WDR70: variants seen among roughly 807,000 people sequenced by gnomAD.
WDR70 encodes WD repeat domain 70.
Under a neutral mutation model 88.6 loss-of-function variants are expected in WDR70, and 53 were observed. The ratio of observed to expected loss-of-function variants is 0.60; its 90% CI spans 0.48 to 0.75. The LOEUF (loss-of-function observed/expected upper bound fraction) is 0.75. WDR70 is among the 30% of genes least tolerant of loss of function. The pLI is 0.00. For missense variants in WDR70, 610 were observed against 823.2 expected, an observed-to-expected ratio of 0.74 and a Z score of 3.17; for synonymous variants, 280 against 270.0, an observed-to-expected ratio of 1.04 and a Z score of -0.36.
At chr5:37,433,935 T>C (rs1028090849) in intron 5 of WDR70, among the ~76,000 whole-genome samples, 13 of 152,250 alleles carry the variant, frequency 8.5e-5, no homozygotes, top group Non-Finnish European at 1.9e-4. Context: ...GTGTGTGGTA[T>C]GTAATTAAAT....
chr5:37,559,575 T>A (rs563992679), intron 9 of WDR70, among the ~76,000 whole-genome samples: 1 of 152,308 alleles, frequency 6.6e-6, no homozygotes, highest in African/African-American at 2.4e-5. Context: ...CCGGGCGCAG[T>A]GGCTCACGCC....
At chr5:37,550,927 A>G (rs1742123187) in intron 9 of WDR70, among the ~76,000 whole-genome samples, 1 of 152,096 alleles carries the variant, frequency 6.6e-6, no homozygotes, top group South Asian at 2.1e-4. Flanking sequence ...AGGCTTGCAG[A>G]TACTATCTTG....
intron 13 of WDR70, among the ~76,000 whole-genome samples, chr5:37,717,840 A>G (rs1010826280): frequency 6.6e-6 from 1 of 152,248 alleles, no homozygotes; most frequent in Non-Finnish European, 1.5e-5. Flanking sequence ...AAGGTTAGCT[A>G]AACACACACA....
intron 9 of WDR70, among the ~76,000 whole-genome samples, chr5:37,555,033 T>C (rs547333246): frequency 7.2e-5 from 11 of 152,366 alleles, no homozygotes; most frequent in Admixed American, 4.6e-4. Context: ...ATTGATAACA[T>C]GTTCTACTGT....
intron 17 of WDR70, among the ~76,000 whole-genome samples, chr5:37,731,991 G>A (rs1162043752): frequency 6.6e-6 from 1 of 152,110 alleles, no homozygotes; most frequent in Non-Finnish European, 1.5e-5. Flanking sequence ...ATCTAATAAC[G>A]AGTTATTTTG....
At chr5:37,468,681 C>T (rs1053599957) in intron 7 of WDR70, among the ~76,000 whole-genome samples, 7 of 152,094 alleles carry the variant, frequency 4.6e-5, no homozygotes, top group Non-Finnish European at 1.0e-4. Context: ...TGCAATAGGA[C>T]ACCAGAACTT....
intron 10 of WDR70, among the ~76,000 whole-genome samples, chr5:37,662,924 A>C (rs1745739555): frequency 6.6e-6 from 1 of 152,220 alleles, no homozygotes; most frequent in African/African-American, 2.4e-5. Context: ...GTGTTATTAA[A>C]ATACTGAGAC....
At chr5:37,533,042 A>G (rs1039889760) in intron 9 of WDR70, among the ~76,000 whole-genome samples, 1 of 152,158 alleles carries the variant, frequency 6.6e-6, no homozygotes, top group African/African-American at 2.4e-5. Flanking sequence ...TTCTGAGTCT[A>G]GCCGTCCAGT....
chr5:37,626,924 C>G (rs770413898), intron 10 of WDR70, among the ~76,000 whole-genome samples: 2 of 152,034 alleles, frequency 1.3e-5, no homozygotes, highest in Non-Finnish European at 2.9e-5. Context: ...TCATAGTACT[C>G]TCTAATGATC....
chr5:37,664,937 T>A (rs1745796128), intron 10 of WDR70, among the ~76,000 whole-genome samples: 1 of 152,260 alleles, frequency 6.6e-6, no homozygotes, highest in Non-Finnish European at 1.5e-5. Context: ...TCATACAGTT[T>A]CAAGGCAATC....
intron 14 of WDR70, 36 bp downstream of exon 14, chr5:37,721,251 C>A: frequency 6.3e-7 from 1 of 1,578,598 alleles, no homozygotes; most frequent in Non-Finnish European, 8.7e-7. Context: ...AGATGGATGA[C>A]AACAACTGGG....
chr5:37,621,363 G>A (rs1517788), intron 10 of WDR70, among the ~76,000 whole-genome samples: 70,842 of 151,906 alleles, frequency 0.47, 18,068 homozygotes, highest in Non-Finnish European at 0.58. Context: ...GCATACAGTC[G>A]TTGATATTTA....
chr5:37,615,733 T>C (rs2112494895), intron 10 of WDR70, among the ~76,000 whole-genome samples: 1 of 152,368 alleles, frequency 6.6e-6, no homozygotes, highest in South Asian at 2.1e-4. Context: ...CTGTCTCTTG[T>C]AGAACTCATT....
chr5:37,545,622 TC>T (rs780173586), intron 9 of WDR70, among the ~76,000 whole-genome samples: 148 of 152,032 alleles, frequency 9.7e-4, no homozygotes, highest in Middle Eastern at 3.4e-3. Flanking sequence ...AACCTCCGCC[TC>T]CCGGCTTCAA....
intron 5 of WDR70, among the ~76,000 whole-genome samples, chr5:37,420,791 G>A (rs1749923628): frequency 2.0e-5 from 3 of 152,098 alleles, no homozygotes; most frequent in Non-Finnish European, 4.4e-5. Flanking sequence ...GTACGTGCCT[G>A]TAGTCCCAGC....
chr5:37,382,745 G>A (rs1748469799), intron 3 of WDR70, among the ~76,000 whole-genome samples: 1 of 151,792 alleles, frequency 6.6e-6, no homozygotes, highest in African/African-American at 2.4e-5. Flanking sequence ...AGGTGTAATG[G>A]CTCATGCCTG....
intron 8 of WDR70, among the ~76,000 whole-genome samples, chr5:37,496,434 C>G (rs1273905868): frequency 5.3e-5 from 8 of 152,178 alleles, no homozygotes; most frequent in Admixed American, 5.2e-4. Flanking sequence ...AAACTCCAGA[C>G]ACGTCTGAAC....
chr5:37,448,304 T>G (rs1738564114), intron 7 of WDR70, among the ~76,000 whole-genome samples: 1 of 152,172 alleles, frequency 6.6e-6, no homozygotes, highest in South Asian at 2.1e-4. Context: ...TGATGTAGGC[T>G]TCCTGTTACA....
intron 7 of WDR70, among the ~76,000 whole-genome samples, chr5:37,467,099 C>T (rs1427892695): frequency 6.6e-6 from 1 of 151,500 alleles, no homozygotes; most frequent in Non-Finnish European, 1.5e-5. Flanking sequence ...TGGTGGTGCA[C>T]GCCTGTAGTC....
Sources: allele counts gnomAD v4.1 joint callset (sites outside exome capture counted in the v4.1 genomes callset), GRCh38; gene constraint gnomAD v4.1.1; transcripts MANE v1.5; gene names NCBI Gene and HGNC (gene_info 2026-07-23, HGNC 2026-07-21).